TXNRD1: variants seen among roughly 807,000 people sequenced by gnomAD.
TXNRD1 encodes thioredoxin reductase 1, cytoplasmic.
TXNRD1 carries 57 observed loss-of-function variants against 80.3 expected under a neutral mutation model. That is an observed-to-expected ratio of 0.71 (90% CI 0.57 to 0.89). The LOEUF (loss-of-function observed/expected upper bound fraction) is 0.89, where lower values mean the gene tolerates loss of function less well. Ranked by LOEUF, TXNRD1 falls within the 40% of genes least tolerant of loss-of-function variation. The pLI is 0.00. For missense variants in TXNRD1, 730 were observed against 803.0 expected, an observed-to-expected ratio of 0.91 and a Z score of 1.10; for synonymous variants, 291 against 285.2, an observed-to-expected ratio of 1.02 and a Z score of -0.20.
chr12:104,249,576 A>G (rs1305924292), intron 1 of TXNRD1, among the ~76,000 whole-genome samples: 1 of 152,182 alleles, frequency 6.6e-6, no homozygotes, highest in African/African-American at 2.4e-5. Context: ...CTATCTTTCT[A>G]AAAACTATTT....
chr12:104,283,479 T>C (rs1481398119), intron 3 of TXNRD1, among the ~76,000 whole-genome samples: 1 of 151,630 alleles, frequency 6.6e-6, no homozygotes, highest in East Asian at 2.0e-4. Flanking sequence ...CTCGCACTCC[T>C]GACCTCGTAA....
At chr12:104,319,701 T>C (rs1260494268) in intron 9 of TXNRD1, 116 bp downstream of exon 9, 1 of 758,314 alleles carries the variant, frequency 1.3e-6, no homozygotes, top group Non-Finnish European at 2.2e-6. Context: ...TTTGCCACAT[T>C]GTGCCCTCTC....
chr12:104,275,203 A>C (rs545000357), intron 3 of TXNRD1, among the ~76,000 whole-genome samples: 13 of 150,922 alleles, frequency 8.6e-5, no homozygotes, highest in Middle Eastern at 3.4e-3. Context: ...ACTTGAACCC[A>C]GGAGGCAGAG....
At chr12:104,257,593 G>A (rs2033285746) in intron 2 of TXNRD1, among the ~76,000 whole-genome samples, 1 of 151,972 alleles carries the variant, frequency 6.6e-6, no homozygotes, top group Admixed American at 6.6e-5. Flanking sequence ...ATATTTAATA[G>A]AGACGGGGTT....
chr12:104,345,403 A>G (rs1593889485), intron 16 of TXNRD1, among the ~76,000 whole-genome samples: 1 of 152,372 alleles, frequency 6.6e-6, no homozygotes, highest in South Asian at 2.1e-4. Flanking sequence ...TTTGACTCTG[A>G]GGAGTAATTA....
At chr12:104,221,788 C>A (rs927925396) in intron 1 of TXNRD1, among the ~76,000 whole-genome samples, 2 of 152,090 alleles carry the variant, frequency 1.3e-5, no homozygotes, top group African/African-American at 4.8e-5. Flanking sequence ...CTGAGCTGGG[C>A]AGGTGGTGGG....
chr12:104,319,691 T>A, intron 9 of TXNRD1, 106 bp downstream of exon 9: 1 of 832,210 alleles, frequency 1.2e-6, no homozygotes, highest in Non-Finnish European at 2.0e-6. Context: ...GACAGATTTC[T>A]TTGCCACATT....
At chr12:104,338,590 G>A (rs1416428516) in intron 15 of TXNRD1, among the ~76,000 whole-genome samples, 2 of 148,282 alleles carry the variant, frequency 1.3e-5, no homozygotes, top group African/African-American at 4.9e-5. Flanking sequence ...CCAGCTACTC[G>A]GGAGGCTGAG....
chr12:104,258,886 C>T (rs1164899721), intron 3 of TXNRD1, among the ~76,000 whole-genome samples: 2 of 152,116 alleles, frequency 1.3e-5, no homozygotes, highest in East Asian at 3.9e-4. Flanking sequence ...GCTATGATTG[C>T]ACCATTGCAC....
rs757160545 is a variant in TXNRD1 at position 104,325,316 on chromosome 12, A to AT, written c.1216-21_1216-20insT. 10 of 1,586,556 alleles carry AT rather than the reference A, an allele frequency of 6.3e-6. No homozygotes were observed. The African/African-American group carries it at 1.3e-4, about 21-fold the overall frequency. On this transcript the variant is annotated intron_variant, in intron 10 of 16. Transcript: ENST00000525566. ...TTGATAAATGTCTTTATTTCACAGTAAAACTTTATCACTCTTACAGGTTGA... is the reference window on the plus strand; with the variant it reads ...TTGATAAATGTCTTTATTTCACAGTATAAACTTTATCACTCTTACAGGTTGA...
intron 16 of TXNRD1, chr12:104,346,018 G>GT (rs1290561434): frequency 1.6e-6 from 2 of 1,286,330 alleles, no homozygotes; most frequent in Non-Finnish European, 2.0e-6. Flanking sequence ...GACCCAAGCA[G>GT]TTTTTTTCAT....
chr12:104,336,292 A>G (rs1593870455), intron 15 of TXNRD1, among the ~76,000 whole-genome samples: 1 of 152,236 alleles, frequency 6.6e-6, no homozygotes, highest in African/African-American at 2.4e-5. Flanking sequence ...TAATTTTCCT[A>G]CCAATAAACC....
chr12:104,304,071 A>T, intron 4 of TXNRD1: 1 of 1,613,960 alleles, frequency 6.2e-7, no homozygotes, highest in Non-Finnish European at 8.5e-7. Flanking sequence ...CAGTACCGGC[A>T]GCTCATGTAC....
In TXNRD1 at chr12:104,321,122, G is replaced by A. The variant is rs988157885; in HGVS notation, c.1021G>A (p.Gly341Ser). ...DDLFSLPYCPGKTLVVGASYV... is the reference protein window; with the variant it reads ...DDLFSLPYCPSKTLVVGASYV... ...TCTTTTCTCCTTGCCTTACTGCCCG[G>A]GTAAGACCCTGGTTGTTGGAGCATC... Residue 341 changes from glycine to serine, a missense_variant, in exon 10 of 17, where the codon GGT (glycine) becomes AGT (serine). Physicochemically the swap from Gly to Ser is moderately conservative, Grantham distance 56 (BLOSUM62 0). Transcript: ENST00000525566. The A allele has an allele frequency of 6.2e-7, 1 of 1,612,464 alleles. No homozygotes were observed. Among genetic ancestry groups the A allele is most frequent in the Non-Finnish European group, 8.5e-7 (1 of 1,179,598 alleles).
At chr12:104,326,213 T>A (rs2035756473) in intron 11 of TXNRD1, 134 bp from the exon 12 acceptor site, 2 of 649,678 alleles carry the variant, frequency 3.1e-6, no homozygotes, top group East Asian at 3.1e-5. Context: ...CTTGCATTAC[T>A]TTCTTACTGA....
At chr12:104,288,874 G>A (rs751360834) in intron 3 of TXNRD1, 57 bp from the exon 4 acceptor site, 1 of 1,613,434 alleles carries the variant, frequency 6.2e-7, no homozygotes, top group Non-Finnish European at 8.5e-7. Flanking sequence ...CGCAGTTCCC[G>A]CCTGTTAGCG....
chr12:104,274,718 TAA>T (rs1045201934), intron 3 of TXNRD1, among the ~76,000 whole-genome samples: 14 of 138,482 alleles, frequency 1.0e-4, no homozygotes, highest in South Asian at 2.5e-4. Flanking sequence ...AAATTAATAA[TAA>T]AAAAAATAAT....
intron 4 of TXNRD1, among the ~76,000 whole-genome samples, chr12:104,299,323 T>G (rs2034538225): frequency 6.6e-6 from 1 of 151,948 alleles, no homozygotes; most frequent in East Asian, 1.9e-4. Flanking sequence ...GGAACCCAGA[T>G]CGTCCCCTCC....
At chr12:104,271,052 G>C (rs917788365) in intron 3 of TXNRD1, among the ~76,000 whole-genome samples, 5 of 152,138 alleles carry the variant, frequency 3.3e-5, no homozygotes, top group African/African-American at 1.2e-4. Context: ...TCAGTTTCAC[G>C]TGCATCCGTG....
Sources: allele counts gnomAD v4.1 joint callset (sites outside exome capture counted in the v4.1 genomes callset), GRCh38; gene constraint gnomAD v4.1.1; transcripts MANE v1.5; gene names NCBI Gene and HGNC (gene_info 2026-07-23, HGNC 2026-07-21).